Variants in CDH8 observed in about 807,000 individuals in gnomAD.
CDH8 encodes cadherin 8.
CDH8 carries 17 observed loss-of-function variants against 68.1 expected under a neutral mutation model. The observed-to-expected ratio is 0.25, with a 90% CI of 0.17 to 0.37. The LOEUF is 0.37. Ranked by LOEUF, CDH8 falls within the 10% of genes least tolerant of loss-of-function variation. The pLI, the probability that CDH8 is intolerant of heterozygous loss-of-function variation, is 1.00. For missense variants in CDH8, 763 were observed against 999.3 expected (o/e 0.76, Z 3.19); for synonymous variants, 372 against 365.1 (o/e 1.02, Z -0.21).
intron 2 of CDH8, among the ~76,000 whole-genome samples, chr16:61,966,169 G>C (rs1230638640): frequency 1.3e-5 from 2 of 152,136 alleles, no homozygotes; most frequent in East Asian, 3.9e-4. Context: ...TATTTATTAT[G>C]CTTTTTTCAA....
chr16:61,664,925 C>T (rs1356880336), intron 10 of CDH8, among the ~76,000 whole-genome samples: 1 of 151,934 alleles, frequency 6.6e-6, no homozygotes, highest in East Asian at 1.9e-4. Flanking sequence ...AGTTGGAAAT[C>T]AAGGGATATT....
At chr16:62,023,622 G>A (rs1422145014) in intron 1 of CDH8, among the ~76,000 whole-genome samples, 1 of 152,138 alleles carries the variant, frequency 6.6e-6, no homozygotes, top group African/African-American at 2.4e-5. Context: ...AAAAATGAAT[G>A]AGCAGAGTGA....
chr16:61,963,025 A>G (rs1395824187), intron 2 of CDH8, among the ~76,000 whole-genome samples: 1 of 152,210 alleles, frequency 6.6e-6, no homozygotes, highest in Non-Finnish European at 1.5e-5. Context: ...AGCACAGTTT[A>G]CCTTAAAATT....
chr16:61,779,705 G>T (rs1480325185), intron 8 of CDH8, among the ~76,000 whole-genome samples: 3 of 152,036 alleles, frequency 2.0e-5, no homozygotes, highest in African/African-American at 4.8e-5. Context: ...AATGGGATTA[G>T]GATTCTGGTT....
At chr16:61,741,906 C>G (rs58816741) in intron 8 of CDH8, among the ~76,000 whole-genome samples, 87,705 of 152,012 alleles carry the variant, frequency 0.58, 27,556 homozygotes, top group African/African-American at 0.83. Flanking sequence ...CACACACACA[C>G]AGAAATTTTG....
At chr16:61,690,341 A>C (rs1300719692) in intron 10 of CDH8, among the ~76,000 whole-genome samples, 2 of 152,028 alleles carry the variant, frequency 1.3e-5, no homozygotes, top group Non-Finnish European at 2.9e-5. Context: ...ACCGTAGAAT[A>C]ACTGGGCAGA....
intron 2 of CDH8, among the ~76,000 whole-genome samples, chr16:61,914,850 C>T (rs1964214280): frequency 2.0e-5 from 3 of 151,794 alleles, no homozygotes; most frequent in South Asian, 4.2e-4. Context: ...TAGAAAGAAA[C>T]GCAACCCAGT....
chr16:61,844,131 A>G (rs1375899427), intron 4 of CDH8, among the ~76,000 whole-genome samples: 1 of 152,010 alleles, frequency 6.6e-6, no homozygotes, highest in African/African-American at 2.4e-5. Flanking sequence ...TTGTAGGGAC[A>G]TGGATGAAAC....
At chr16:61,750,299 C>A (rs1382377132) in intron 8 of CDH8, among the ~76,000 whole-genome samples, 2 of 152,080 alleles carry the variant, frequency 1.3e-5, no homozygotes, top group Admixed American at 6.6e-5. Context: ...AGTTTCTGAC[C>A]ACTGCAAGTA....
intron 2 of CDH8, among the ~76,000 whole-genome samples, chr16:61,960,364 C>CACATAT (rs1567546697): frequency 1.2e-5 from 1 of 81,396 alleles, no homozygotes; most frequent in Non-Finnish European, 2.3e-5. Flanking sequence ...TGTGTATACA[C>CACATAT]ATACATATAT....
At chr16:61,858,238 G>A (rs16964004) in intron 3 of CDH8, among the ~76,000 whole-genome samples, 3,145 of 152,154 alleles carry the variant, frequency 0.021, 106 homozygotes, top group African/African-American at 0.071. Context: ...GCACAGACAG[G>A]GTGATCAGGA....
At chr16:61,686,490 C>T (rs533049287) in intron 10 of CDH8, among the ~76,000 whole-genome samples, 3 of 151,980 alleles carry the variant, frequency 2.0e-5, no homozygotes, top group East Asian at 1.9e-4. Context: ...TTTTTAAGTG[C>T]CCCTCATCTG....
chr16:61,779,446 T>TGTGTGC lies in CDH8; in HGVS notation c.1414+9899_1414+9900insGCACAC, dbSNP rs1240763324. Among the ~76,000 whole-genome samples, 26 of 148,974 alleles carry TGTGTGC rather than the reference T, an allele frequency of 1.7e-4. 1 individual carries two copies. The Admixed American group carries it at 1.8e-3, about 10-fold the overall frequency. On this transcript the variant is annotated intron_variant, in intron 8 of 11. Transcript: ENST00000577390. ...GTTTATGTGTGTGTGTGTGTGTGTG[T>TGTGTGC]GTGTGTGTGTGTGTGTGTGCGCGCA...
At chr16:61,789,268 G>T in intron 8 of CDH8, 78 bp downstream of exon 8, 1 of 1,310,034 alleles carries the variant, frequency 7.6e-7, no homozygotes. Context: ...CAGAAACAGG[G>T]GCTGCTTATC....
At chr16:61,859,919 C>T (rs986475375) in intron 3 of CDH8, among the ~76,000 whole-genome samples, 1 of 152,166 alleles carries the variant, frequency 6.6e-6, no homozygotes, top group African/African-American at 2.4e-5. Flanking sequence ...GTGATCTTGG[C>T]TCACTGCAAC....
At chr16:61,874,626 G>A (rs1237565314) in intron 3 of CDH8, among the ~76,000 whole-genome samples, 1 of 152,052 alleles carries the variant, frequency 6.6e-6, no homozygotes, top group Non-Finnish European at 1.5e-5. Flanking sequence ...AGTTTATTGA[G>A]ATGTAATCCT....
chr16:61,789,497 C>T lies in CDH8; in HGVS notation c.1278-15G>A, dbSNP rs751577796. ...CGATGGAAAACCTACAAAACAGACA[C>T]ATCTGTAATCTACTTCAATGTTTAT... On this transcript the variant is annotated splice_polypyrimidine_tract_variant and intron_variant, in intron 7 of 11. Transcript: ENST00000577390. The T allele has an allele frequency of 6.2e-7, 1 of 1,610,652 alleles. No individual in the cohort carries two copies. Among genetic ancestry groups the T allele is most frequent in the Non-Finnish European group, 8.5e-7 (1 of 1,178,058 alleles).
At chr16:61,664,729 A>T (rs1364372073) in intron 10 of CDH8, among the ~76,000 whole-genome samples, 1 of 152,054 alleles carries the variant, frequency 6.6e-6, no homozygotes, top group Non-Finnish European at 1.5e-5. Context: ...TCCAACTTTT[A>T]TTAAAATATT....
intron 7 of CDH8, among the ~76,000 whole-genome samples, chr16:61,799,226 C>T (rs1961564572): frequency 6.6e-6 from 1 of 152,044 alleles, no homozygotes; most frequent in Admixed American, 6.6e-5. Context: ...GTTGATCGTG[C>T]CTGTCATACT....
Sources: gnomAD v4.1 joint callset for allele counts (sites outside exome capture counted in the v4.1 genomes callset) on GRCh38, gnomAD v4.1.1 for gene constraint, MANE v1.5 for transcripts, NCBI Gene and HGNC (gene_info 2026-07-23, HGNC 2026-07-21) for gene names.